Variants in LUZP1 observed in about 807,000 individuals in gnomAD.
LUZP1 encodes leucine zipper protein 1.
LUZP1 carries 25 observed loss-of-function variants against 71.3 expected under a neutral mutation model. The ratio of observed to expected loss-of-function variants is 0.35; its 90% CI spans 0.26 to 0.49. The LOEUF is 0.49. LUZP1 is among the 20% of genes least tolerant of loss of function. LUZP1 has a pLI of 0.99. For synonymous variants in LUZP1, 481 were observed against 506.4 expected (o/e 0.95, Z 0.67); for missense variants, 1,142 against 1,300.8 (o/e 0.88, Z 1.88).
chr1:23,140,826 T>C (rs1413167844), intron 2 of LUZP1: 1 of 152,392 alleles, frequency 6.6e-6, no homozygotes, highest in African/African-American at 2.4e-5. Context: ...GCTACATCTC[T>C]CCCTGGTCAC....
exon 4 of LUZP1, chr1:23,092,121 T>C: frequency 6.2e-7 from 1 of 1,614,194 alleles, no homozygotes. Flanking sequence ...AGATTCATTC[T>C]CCATTCCAGC....
chr1:23,118,322 C>T (rs1644102674), intron 2 of LUZP1, among the ~76,000 whole-genome samples: 1 of 151,982 alleles, frequency 6.6e-6, no homozygotes, highest in Non-Finnish European at 1.5e-5. Flanking sequence ...TGCTTGAACC[C>T]GGGAGGCGGA....
chr1:23,103,123 G>C (rs1176372663), intron 3 of LUZP1, among the ~76,000 whole-genome samples: 3 of 140,940 alleles, frequency 2.1e-5, no homozygotes, highest in African/African-American at 5.3e-5. Flanking sequence ...TTTTTTTGTA[G>C]AGAAGGGGTC....
chr1:23,092,530 G>A (rs781758184), exon 4 of LUZP1: 8 of 1,614,172 alleles, frequency 5.0e-6, no homozygotes, highest in Admixed American at 1.7e-5. Flanking sequence ...CCTTTAGAGA[G>A]CCCTTCTGAG....
At chr1:23,084,574 AG>A (rs1264599112) in exon 5 of LUZP1, 3 of 152,184 alleles carry the variant, frequency 2.0e-5, no homozygotes, top group African/African-American at 7.2e-5. Context: ...GTTCCTTCCC[AG>A]GGGCTCCTGA....
chr1:23,146,206 C>T (rs947161965), intron 2 of LUZP1, among the ~76,000 whole-genome samples: 3 of 151,996 alleles, frequency 2.0e-5, no homozygotes, highest in Admixed American at 6.6e-5. Flanking sequence ...TTAGTAGAGA[C>T]GGGGTTTCAC....
chr1:23,158,704 T>C (rs1423048478), intron 2 of LUZP1, among the ~76,000 whole-genome samples: 6 of 134,646 alleles, frequency 4.5e-5, no homozygotes, highest in Admixed American at 3.8e-4. Flanking sequence ...TGGTGGCTCA[T>C]GCGTTTAATC....
chr1:23,138,663 TTGTG>T (rs550739499), intron 2 of LUZP1, among the ~76,000 whole-genome samples: 53 of 125,678 alleles, frequency 4.2e-4, no homozygotes, highest in Middle Eastern at 7.6e-3. Flanking sequence ...GATTATGTGT[TTGTG>T]TGTGTGTGTG....
intron 3 of LUZP1, among the ~76,000 whole-genome samples, chr1:23,098,762 G>T (rs756703691): frequency 6.6e-6 from 1 of 152,154 alleles, no homozygotes; most frequent in Non-Finnish European, 1.5e-5. Flanking sequence ...ACTGGAGAGG[G>T]AAGAAATGAC....
At chr1:23,162,108 A>G (rs780950073) in intron 2 of LUZP1, among the ~76,000 whole-genome samples, 9 of 151,630 alleles carry the variant, frequency 5.9e-5, no homozygotes, top group African/African-American at 2.2e-4. Context: ...GCACGGTCAC[A>G]TTAGTGTTAA....
At position 23,093,375 on chromosome 1, in the gene LUZP1, T is replaced by C; in HGVS notation, c.887A>G (p.Glu296Gly). ...GTGTTTGATTTGTGTCTTAAGTTTC[T>C]CAATCTCTTGGTTAAGGTCTTTGAC... is the stretch of plus-strand genomic sequence containing the variant. Residue 296 changes from glutamate (E) to glycine (G), a missense_variant, in exon 4 of 5, where the codon GAG becomes GGG. Physicochemically the swap from Glu to Gly is moderately conservative, Grantham distance 98 (BLOSUM62 -2). Transcript: ENST00000302291. This position sits in a 1 kb window ranked among gnomAD's most constrained non-coding sequence, Gnocchi z 4.2. 1 of 1,613,594 alleles carries C rather than the reference T, an allele frequency of 6.2e-7. No homozygotes were observed. The highest frequency in any genetic ancestry group is 8.5e-7 in the Non-Finnish European group (1 of 1,179,906).
intron 2 of LUZP1, among the ~76,000 whole-genome samples, chr1:23,158,647 CAAAAAAA>C (rs56919514): frequency 1.2e-4 from 7 of 59,912 alleles, no homozygotes; most frequent in East Asian, 4.8e-4. Flanking sequence ...GACTCTGTCT[CAAAAAAA>C]AAAAAAAAAA....
intron 1 of LUZP1, among the ~76,000 whole-genome samples, chr1:23,173,306 C>CTT (rs59499596): frequency 8.0e-6 from 1 of 125,530 alleles, no homozygotes; most frequent in Admixed American, 7.9e-5. Context: ...AGTTTTTTTT[C>CTT]TTTTTTTTTT....
At chr1:23,153,988 T>G (rs1442771704) in intron 2 of LUZP1, among the ~76,000 whole-genome samples, 5 of 152,130 alleles carry the variant, frequency 3.3e-5, no homozygotes, top group African/African-American at 1.2e-4. Context: ...AGAATACTAC[T>G]CAGCAATGTA....
chr1:23,093,873 C>T lies in LUZP1; in HGVS notation c.389G>A (p.Ser130Asn). 3 of 1,614,132 alleles carry T rather than the reference C, an allele frequency of 1.9e-6. No homozygotes were observed. Among genetic ancestry groups the T allele is most frequent in the Non-Finnish European group, 2.5e-6 (3 of 1,180,034 alleles). Residue 130 changes from serine to asparagine, a missense_variant, in exon 4 of 5, where the codon AGT becomes AAT. Ser to Asn is a conservative substitution (Grantham distance 46). Transcript: ENST00000302291. This position sits in a 1 kb window ranked among gnomAD's most constrained non-coding sequence, Gnocchi z 4.2. ...ACACAGCTGGGTACAGTCATTCTTA[C>T]TCCTGCTGAAGGCCTCTTCTAGCTT...
At chr1:23,162,527 C>T (rs540389507) in intron 2 of LUZP1, among the ~76,000 whole-genome samples, 8 of 151,956 alleles carry the variant, frequency 5.3e-5, no homozygotes, top group Middle Eastern at 3.4e-3. Context: ...CAAGCTCTGC[C>T]TCCTGGGTTC....
intron 3 of LUZP1, among the ~76,000 whole-genome samples, chr1:23,100,117 CTT>C (rs1435932094): frequency 6.6e-6 from 1 of 152,216 alleles, no homozygotes; most frequent in Non-Finnish European, 1.5e-5. Flanking sequence ...TCTATTGCAG[CTT>C]TATTTACTCA....
At position 23,093,270 on chromosome 1, in the gene LUZP1, T is replaced by A; in HGVS notation, c.992A>T (p.Asn331Ile). The stretch of plus-strand genomic sequence containing the variant: ...TTGGCTGGCTAATAATTTGTTTTTA[T>A]TTTGTTCACTTAGGTAATTATCCTG... The change falls in exon 4 of 5, where the codon AAT (asparagine) becomes ATT (isoleucine). Residue 331 changes from asparagine to isoleucine, a missense_variant. Coordinates refer to ENST00000302291, the Ensembl canonical transcript of LUZP1. This position sits in a 1 kb window ranked among gnomAD's most constrained non-coding sequence, Gnocchi z 4.2. 3 of 1,612,398 alleles carry A rather than the reference T, an allele frequency of 1.9e-6. No individual in the cohort carries two copies. The highest frequency in any genetic ancestry group is 2.5e-6 in the Non-Finnish European group (3 of 1,179,610).
intron 2 of LUZP1, among the ~76,000 whole-genome samples, chr1:23,112,140 T>C (rs1644039794): frequency 6.6e-6 from 1 of 152,224 alleles, no homozygotes; most frequent in Non-Finnish European, 1.5e-5. Context: ...AAGTAAGCAG[T>C]AACTGATTTC....
Sources: gnomAD v4.1 joint callset for allele counts (sites outside exome capture counted in the v4.1 genomes callset) on GRCh38, gnomAD v4.1.1 for gene constraint, Gnocchi (gnomAD v3.1) non-coding constraint, MANE v1.5 for transcripts, NCBI Gene and HGNC (gene_info 2026-07-23, HGNC 2026-07-21) for gene names.